MROH2A: variants seen among roughly 807,000 people sequenced by gnomAD.
The protein encoded by MROH2A is maestro heat like repeat family member 2A, also known as maestro heat-like repeat-containing protein family member 2A.
Under a neutral mutation model 200.4 loss-of-function variants are expected in MROH2A, and 174 were observed. The ratio of observed to expected loss-of-function variants is 0.87; its 90% CI spans 0.77 to 0.98. The LOEUF (loss-of-function observed/expected upper bound fraction) is 0.98, where lower values mean the gene tolerates loss of function less well. Ranked by LOEUF, MROH2A falls within the 50% of genes least tolerant of loss-of-function variation. MROH2A has a pLI of 0.00. For synonymous variants in MROH2A, 829 were observed against 840.4 expected, an observed-to-expected ratio of 0.99 and a Z score of 0.23; for missense variants, 2,045 against 2,139.6, an observed-to-expected ratio of 0.96 and a Z score of 0.87.
At chr2:233,813,118 G>A (rs1318635564) in intron 24 of MROH2A, among the ~76,000 whole-genome samples, 1 of 152,224 alleles carries the variant, frequency 6.6e-6, no homozygotes, top group African/African-American at 2.4e-5. Flanking sequence ...GAAGGAGCTA[G>A]AAGAAGAATG....
At position 233,816,831 on chromosome 2, in the gene MROH2A, C is replaced by T. The variant is rs1280644922; in HGVS notation, c.2907C>T (p.Ala969=). The T allele has an allele frequency of 1.2e-5, 19 of 1,550,262 alleles. No individual in the cohort carries two copies. Among genetic ancestry groups the T allele is most frequent in the Middle Eastern group, 1.7e-4 (1 of 5,944 alleles). ...LSEKEWEREK[A]VSLHLYLMWI... The stretch of plus-strand genomic sequence containing the variant: ...AGAAAGAATGGGAGCGGGAAAAGGC[C>T]GTGAGCCTCCATCTCTATCTCATGT... The change falls in exon 27 of 42, where the codon GCC becomes GCT. Residue 969 remains alanine, a synonymous_variant. Coordinates refer to ENST00000389758, the MANE Select transcript of MROH2A (RefSeq NM_001394639.1).
chr2:233,831,688 A>G (rs1559489061), intron 39 of MROH2A, 148 bp downstream of exon 39: 1 of 894,646 alleles, frequency 1.1e-6, no homozygotes, highest in Non-Finnish European at 1.6e-6. Context: ...TGCAGCAGAA[A>G]TAGAAGGCAA....
chr2:233,789,941 G>C lies in MROH2A; in HGVS notation c.498G>C (p.Gln166His). The C allele has an allele frequency of 6.4e-7, 1 of 1,550,508 alleles. No homozygotes were observed. ...NHFSLVMYEL[Q>H]HHLKPLNLTD... ...TCAGCTTGGTCATGTACGAGCTGCA[G>C]CACCACCTCAAGCCCCTCAACCTCA... Residue 166 changes from glutamine to histidine, a missense_variant, in exon 5 of 42, where the codon CAG becomes CAC. Around this residue, in one of 3 missense-constraint regions of MROH2A, gnomAD observed 831 missense variants for 800.0 expected, o/e 1.04. Coordinates refer to ENST00000389758, the MANE Select transcript of MROH2A (RefSeq NM_001394639.1).
At chr2:233,795,016 C>T (rs568755454) in intron 8 of MROH2A, among the ~76,000 whole-genome samples, 5 of 152,324 alleles carry the variant, frequency 3.3e-5, no homozygotes, top group Non-Finnish European at 5.9e-5. Context: ...CCCTGTGTGT[C>T]CCTCTGTGTC....
At chr2:233,792,725 T>A in intron 5 of MROH2A, 71 bp from the exon 6 acceptor site, 1 of 944,534 alleles carries the variant, frequency 1.1e-6, no homozygotes, top group South Asian at 1.4e-5. Flanking sequence ...GGCAGCAGGG[T>A]TGTCCTCTCT....
intron 3 of MROH2A, among the ~76,000 whole-genome samples, chr2:233,788,252 T>C (rs1487630865): frequency 1.0e-4 from 10 of 96,114 alleles, no homozygotes; most frequent in African/African-American, 4.2e-4. Flanking sequence ...AAAGTCTAAA[T>C]GTCCTTGGGA....
In MROH2A at chr2:233,807,887, G is replaced by C. The variant is rs756072382; in HGVS notation, c.2295+32G>C. 1.9e-6 allele frequency: 3 copies of C among 1,550,856 alleles called. No homozygotes were observed. In the South Asian group the frequency reaches 3.6e-5, roughly 18 times the overall value. ...CACCTTCCCTCCACAACTGGGTCTT[G>C]GGATCTCTTAGCACAGTGCTCTGGG... On this transcript the variant is annotated intron_variant, in intron 21 of 41. Transcript: ENST00000389758. The surrounding 1 kb of genome is among the most constrained non-coding windows in gnomAD (Gnocchi z 4.3).
upstream of MROH2A, among the ~76,000 whole-genome samples, chr2:233,777,847 T>A (rs919889111): frequency 1.3e-5 from 2 of 152,250 alleles, no homozygotes; most frequent in Admixed American, 1.3e-4. Flanking sequence ...TCCTTTGGGC[T>A]CCACTTTTGG....
At chr2:233,821,017 C>T (rs1039057142) in intron 31 of MROH2A, among the ~76,000 whole-genome samples, 8 of 152,132 alleles carry the variant, frequency 5.3e-5, no homozygotes, top group Non-Finnish European at 1.0e-4. Context: ...TACTTGGTGG[C>T]CACGTCACAC....
In MROH2A at chr2:233,820,546, C is replaced by A. The variant is rs1703867992; in HGVS notation, c.3512+490C>A. 6.6e-6 allele frequency among the ~76,000 whole-genome samples: 1 copy of A among 152,154 alleles called. No homozygotes were observed. The highest frequency in any genetic ancestry group is 2.4e-5 in the African/African-American group (1 of 41,436). ...TGGCCATGAGTGATGCAGAGCCACCCCATCTTTATTGGTGTTTCTCTGCAG... is the reference window on the plus strand; with the variant it reads ...TGGCCATGAGTGATGCAGAGCCACCACATCTTTATTGGTGTTTCTCTGCAG... On this transcript the variant is annotated intron_variant, in intron 31 of 41. Coordinates refer to ENST00000389758, the MANE Select transcript of MROH2A (RefSeq NM_001394639.1). The surrounding 1 kb of genome is among the most constrained non-coding windows in gnomAD (Gnocchi z 4.1).
At position 233,823,676 on chromosome 2, in the gene MROH2A, G is replaced by T. The variant is rs766265552; in HGVS notation, c.4113+12G>T. 1 of 1,547,988 alleles carries T rather than the reference G, an allele frequency of 6.5e-7. No homozygotes were observed. Among genetic ancestry groups the T allele is most frequent in the South Asian group, 1.2e-5 (1 of 83,974 alleles). ...GCACAGCGGTCTGCGTGGAAATGAG[G>T]CACCGGGTGTGGGCGGGGTGCAAGC... On this transcript the variant is annotated intron_variant, in intron 35 of 41. Coordinates refer to ENST00000389758, the MANE Select transcript of MROH2A (RefSeq NM_001394639.1).
intron 21 of MROH2A, among the ~76,000 whole-genome samples, chr2:233,808,848 A>T (rs1360405390): frequency 6.6e-6 from 1 of 152,154 alleles, no homozygotes; most frequent in African/African-American, 2.4e-5. Context: ...ACCTCCCCCC[A>T]CAGGTGATGG....
chr2:233,828,478 C>A lies in MROH2A; in HGVS notation c.4114-152C>A. ...CCCTGAGGCAGGTACTAGCATCACC[C>A]GCTTTTTATAGAGAGGAAACGGAGG... On this transcript the variant is annotated intron_variant, in intron 35 of 41. Coordinates refer to ENST00000389758, the MANE Select transcript of MROH2A (RefSeq NM_001394639.1). The surrounding 1 kb of genome is among the most constrained non-coding windows in gnomAD (Gnocchi z 4.6). 3 of 920,072 alleles carry A rather than the reference C, an allele frequency of 3.3e-6. No individual in the cohort carries two copies. Among genetic ancestry groups the A allele is most frequent in the South Asian group, 1.8e-5 (1 of 55,184 alleles). The allele number at this position is 920,072 out of a possible 1,614,324, so 57.0% of individuals were successfully genotyped here.
Position 233,828,892 on chromosome 2 carries a change from G to A in MROH2A, c.4266G>A (p.Val1422=). 1 of 1,550,448 alleles carries A rather than the reference G, an allele frequency of 6.4e-7. No individual in the cohort carries two copies. Among genetic ancestry groups the A allele is most frequent in the South Asian group, 1.2e-5 (1 of 84,066 alleles). The change falls in exon 37 of 42, where the codon GTG becomes GTA. Residue 1422 remains valine, a splice_region_variant and synonymous_variant. Coordinates refer to ENST00000389758, the MANE Select transcript of MROH2A (RefSeq NM_001394639.1). This position sits in a 1 kb window ranked among gnomAD's most constrained non-coding sequence, Gnocchi z 4.6. ...GAGGGCTGCCCATGCCCCTCCAGGT[G>A]AAGCAGTACCGGAAGGTCTTGCTGG... is the stretch of plus-strand genomic sequence containing the variant. The part of the protein sequence containing the change: ...GNMALGAPKK[V]KQYRKVLLEK...
In MROH2A at chr2:233,828,614, A is replaced by G. The variant is rs1450665379; in HGVS notation, c.4114-16A>G. 21 of 1,549,488 alleles carry G rather than the reference A, an allele frequency of 1.4e-5. No individual in the cohort carries two copies. The highest frequency in any genetic ancestry group is 1.7e-5 in the Non-Finnish European group (19 of 1,146,058). On this transcript the variant is annotated splice_polypyrimidine_tract_variant and intron_variant, in intron 35 of 41. Coordinates refer to ENST00000389758, the MANE Select transcript of MROH2A (RefSeq NM_001394639.1). The surrounding 1 kb of genome is among the most constrained non-coding windows in gnomAD (Gnocchi z 4.6). ...AGCCCGCCCTGGGGATAACTGCCCA[A>G]TGTCCTCCCTTCCAGTTCATGAGCG...
Position 233,823,629 on chromosome 2 carries a change from G to C in MROH2A, c.4078G>C (p.Val1360Leu), listed in dbSNP as rs1335824753. The C allele has an allele frequency of 6.4e-7, 1 of 1,550,514 alleles. No individual in the cohort carries two copies. Among genetic ancestry groups the C allele is most frequent in the South Asian group, 1.2e-5 (1 of 84,050 alleles). The change falls in exon 35 of 42, where the codon GTC becomes CTC. Residue 1360 changes from valine to leucine, a missense_variant. Val to Leu is a conservative substitution (Grantham distance 32). Around this residue, in one of 3 missense-constraint regions of MROH2A, gnomAD observed 1,201 missense variants for 1,311.3 expected, o/e 0.92. Transcript: ENST00000389758. The stretch of plus-strand genomic sequence containing the variant: ...GGTGCTCAGGGGCATGGACTCAGAA[G>C]TCCTGAGCTGCCGCATCAGCAGCAC... ...ELVLRGMDSE[V>L]LSCRISSTAV...
intron 3 of MROH2A, among the ~76,000 whole-genome samples, chr2:233,780,980 C>T (rs1700930015): frequency 1.3e-5 from 2 of 152,156 alleles, no homozygotes; most frequent in African/African-American, 2.4e-5. Flanking sequence ...TGAGTGAGAA[C>T]ATGTGGTATT....
intron 24 of MROH2A, among the ~76,000 whole-genome samples, chr2:233,812,547 A>G (rs1049143222): frequency 6.6e-6 from 1 of 152,374 alleles, no homozygotes; most frequent in East Asian, 1.9e-4. Flanking sequence ...AGCTGCATCA[A>G]ACAGGCAGAT....
intron 5 of MROH2A, among the ~76,000 whole-genome samples, chr2:233,791,521 T>A (rs199897663): frequency 6.6e-6 from 1 of 152,000 alleles, no homozygotes; most frequent in East Asian, 1.9e-4. Context: ...AGGGGGCAGT[T>A]GATTTGTGGC....
Sources: gnomAD v4.1 joint callset for allele counts (sites outside exome capture counted in the v4.1 genomes callset) on GRCh38, gnomAD v4.1.1 for gene constraint, gnomAD v4.1.1 regional missense constraint, Gnocchi (gnomAD v3.1) non-coding constraint, MANE v1.5 for transcripts, NCBI Gene and HGNC (gene_info 2026-07-23, HGNC 2026-07-21) for gene names.